The following RALA variants were observed in gnomAD, a reference collection of about 807,000 sequenced individuals.
RALA encodes RAS like proto-oncogene A.
A neutral mutation model predicts 24.0 loss-of-function variants in RALA; 5 were observed. The observed-to-expected ratio is 0.21, with a 90% CI of 0.11 to 0.44. RALA has a LOEUF of 0.44. RALA is among the 20% of genes least tolerant of loss of function. The probability of loss-of-function intolerance (pLI) is 0.99; values close to 1 mark genes in which losing one functional copy is unlikely to be tolerated. For missense variants in RALA, 95 were observed against 241.2 expected (o/e 0.39, Z 4.01); for synonymous variants, 77 against 83.8 (o/e 0.92, Z 0.44).
chr7:39,704,923 G>T (rs571288370), intron 4 of RALA, among the ~76,000 whole-genome samples: 14 of 152,088 alleles, frequency 9.2e-5, no homozygotes. Context: ...TGATCTGCCC[G>T]CCTCGGCCTC....
chr7:39,649,039 G>A (rs1237884902), intron 1 of RALA, among the ~76,000 whole-genome samples: 16 of 152,202 alleles, frequency 1.1e-4, no homozygotes, highest in African/African-American at 3.1e-4. Context: ...CAGCCTGTGC[G>A]ACAGAGCGAG....
chr7:39,627,225 A>G (rs1037545232), intron 1 of RALA, among the ~76,000 whole-genome samples: 1 of 152,196 alleles, frequency 6.6e-6, no homozygotes, highest in Non-Finnish European at 1.5e-5. Flanking sequence ...ATAGAAAAAA[A>G]GAAATTAAAG....
intron 4 of RALA, among the ~76,000 whole-genome samples, chr7:39,703,820 G>A (rs1270119690): frequency 2.0e-5 from 3 of 152,000 alleles, no homozygotes; most frequent in Admixed American, 2.0e-4. Flanking sequence ...TTCCTCCCTT[G>A]CATTAATAAA....
At chr7:39,644,788 C>A (rs1393690451) in intron 1 of RALA, among the ~76,000 whole-genome samples, 6 of 152,034 alleles carry the variant, frequency 3.9e-5, no homozygotes, top group Non-Finnish European at 8.8e-5. Flanking sequence ...ATATATAGTC[C>A]AGAATATTTA....
chr7:39,673,335 AGT>A (rs1792422121), intron 1 of RALA, among the ~76,000 whole-genome samples: 1 of 152,294 alleles, frequency 6.6e-6, no homozygotes, highest in South Asian at 2.1e-4. Flanking sequence ...CATAATTAAT[AGT>A]CTTTTTTTAC....
At chr7:39,632,836 T>C (rs1791621085) in intron 1 of RALA, among the ~76,000 whole-genome samples, 1 of 151,986 alleles carries the variant, frequency 6.6e-6, no homozygotes, top group African/African-American at 2.4e-5. Context: ...AAATTAAATT[T>C]TAACAAAAGA....
At chr7:39,671,738 C>T (rs1792392641) in intron 1 of RALA, among the ~76,000 whole-genome samples, 1 of 152,134 alleles carries the variant, frequency 6.6e-6, no homozygotes. Flanking sequence ...AACTACTGTA[C>T]CCTTAAAACA....
At chr7:39,694,068 C>A (rs746428214) in intron 3 of RALA, among the ~76,000 whole-genome samples, 1 of 152,184 alleles carries the variant, frequency 6.6e-6, no homozygotes, top group Non-Finnish European at 1.5e-5. Flanking sequence ...CCAGACTGTT[C>A]TAAGCATTCA....
Position 39,706,724 on chromosome 7 carries a change from G to A in RALA, c.*479G>A, listed in dbSNP as rs1177311370. 1 of 152,568 alleles carries A rather than the reference G, an allele frequency of 6.6e-6. No homozygotes were observed. Among genetic ancestry groups the A allele is most frequent in the Admixed American group, 6.6e-5 (1 of 15,266 alleles). The allele number at this position is 152,568 out of a possible 1,614,324, so 9.5% of individuals were successfully genotyped here. A position where few individuals can be genotyped will look rare whatever the true frequency, so the allele number is the denominator to read the frequency against. On this transcript the variant is annotated 3_prime_UTR_variant, in exon 5 of 5. Transcript: ENST00000005257. ...TGCAAAATTTAGAAGAAAAGTTATT[G>A]GCATGGTTGTTGCATATAGTTAAAC...
chr7:39,687,426 CAA>C (rs1177045271), intron 2 of RALA, among the ~76,000 whole-genome samples: 5 of 115,564 alleles, frequency 4.3e-5, no homozygotes, highest in Non-Finnish European at 7.5e-5. Context: ...GACTCCATCC[CAA>C]AAAAAAAAAA....
intron 1 of RALA, among the ~76,000 whole-genome samples, chr7:39,664,307 A>G (rs1232753322): frequency 6.6e-6 from 1 of 152,224 alleles, no homozygotes; most frequent in Non-Finnish European, 1.5e-5. Context: ...AGGTTGTTGT[A>G]CAACAAGAAG....
intron 1 of RALA, among the ~76,000 whole-genome samples, chr7:39,635,824 C>T (rs1289980695): frequency 7.9e-5 from 12 of 152,094 alleles, no homozygotes; most frequent in South Asian, 2.1e-4. Context: ...GCTCACCCTC[C>T]GCTCACCTCC....
intron 1 of RALA, among the ~76,000 whole-genome samples, chr7:39,670,938 A>G (rs1792371076): frequency 1.3e-5 from 2 of 152,118 alleles, no homozygotes; most frequent in South Asian, 4.1e-4. Flanking sequence ...CCTACTCCCA[A>G]CTGGTCCCAC....
At chr7:39,669,062 C>T (rs944369427) in intron 1 of RALA, among the ~76,000 whole-genome samples, 2 of 151,938 alleles carry the variant, frequency 1.3e-5, no homozygotes, top group African/African-American at 2.4e-5. Flanking sequence ...TGCAGTGAAC[C>T]GAGATCGCAC....
intron 4 of RALA, 60 bp from the exon 5 acceptor site, chr7:39,706,063 G>T: frequency 6.9e-7 from 1 of 1,449,750 alleles, no homozygotes; most frequent in Non-Finnish European, 9.4e-7. Flanking sequence ...GCTGTGATTT[G>T]GAGAAGTACC....
chr7:39,706,730 G>A lies in RALA; in HGVS notation c.*485G>A, dbSNP rs1464555680. On this transcript the variant is annotated 3_prime_UTR_variant, in exon 5 of 5. Transcript: ENST00000005257. ...ATTTAGAAGAAAAGTTATTGGCATG[G>A]TTGTTGCATATAGTTAAACTGAGAG... 1 of 152,662 alleles carries A rather than the reference G, an allele frequency of 6.6e-6. No individual in the cohort carries two copies. The highest frequency in any genetic ancestry group is 6.5e-5 in the Admixed American group (1 of 15,272). The allele number at this position is 152,662 out of a possible 1,614,324, so 9.5% of individuals were successfully genotyped here. A position where few individuals can be genotyped will look rare whatever the true frequency, so the allele number is the denominator to read the frequency against.
chr7:39,672,170 C>G (rs1438754987), intron 1 of RALA, among the ~76,000 whole-genome samples: 1 of 152,076 alleles, frequency 6.6e-6, no homozygotes, highest in African/African-American at 2.4e-5. Context: ...TTTCAAAACA[C>G]ATCTCTGGAA....
chr7:39,670,860 A>G (rs147488379), intron 1 of RALA, among the ~76,000 whole-genome samples: 25 of 152,296 alleles, frequency 1.6e-4, no homozygotes, highest in African/African-American at 5.5e-4. Context: ...TTCTTATTAA[A>G]TATTTTGATC....
intron 1 of RALA, among the ~76,000 whole-genome samples, chr7:39,630,494 A>AT (rs1391431943): frequency 6.6e-6 from 1 of 151,994 alleles, no homozygotes; most frequent in Non-Finnish European, 1.5e-5. Flanking sequence ...GCTTGTGGTG[A>AT]TTTTTTGCCA....
Sources: allele counts gnomAD v4.1 joint callset (sites outside exome capture counted in the v4.1 genomes callset), GRCh38; gene constraint gnomAD v4.1.1; transcripts MANE v1.5; gene names NCBI Gene and HGNC (gene_info 2026-07-23, HGNC 2026-07-21).